TBC1D22A: variants seen among roughly 807,000 people sequenced by gnomAD.
The protein encoded by TBC1D22A is putative GTPase activator.
A neutral mutation model predicts 60.2 loss-of-function variants in TBC1D22A; 38 were observed. That is an observed-to-expected ratio of 0.63 (90% CI 0.49 to 0.83). TBC1D22A has a LOEUF of 0.83. TBC1D22A is among the 40% of genes least tolerant of loss of function. The pLI is 0.00. For synonymous variants in TBC1D22A, 302 were observed against 281.7 expected, an observed-to-expected ratio of 1.07 and a Z score of -0.72; for missense variants, 628 against 701.0, an observed-to-expected ratio of 0.90 and a Z score of 1.18.
At chr22:47,099,153 G>A (rs1195692107) in intron 11 of TBC1D22A, among the ~76,000 whole-genome samples, 2 of 152,222 alleles carry the variant, frequency 1.3e-5, no homozygotes, top group South Asian at 2.1e-4. Flanking sequence ...GCTGTGCTGG[G>A]TGTCACCGTG....
intron 3 of TBC1D22A, among the ~76,000 whole-genome samples, chr22:46,796,450 G>A (rs1420772643): frequency 6.6e-6 from 1 of 152,168 alleles, no homozygotes; most frequent in African/African-American, 2.4e-5. Flanking sequence ...TGCAGCGTTT[G>A]CTTCGGCTCC....
intron 11 of TBC1D22A, among the ~76,000 whole-genome samples, chr22:47,064,646 G>T (rs2063694933): frequency 6.6e-6 from 1 of 152,198 alleles, no homozygotes; most frequent in East Asian, 1.9e-4. Flanking sequence ...GCAGGGCTCT[G>T]TGGTGACTGT....
intron 8 of TBC1D22A, among the ~76,000 whole-genome samples, chr22:46,936,384 C>T (rs370671886): frequency 2.0e-5 from 3 of 152,202 alleles, no homozygotes; most frequent in South Asian, 2.1e-4. Context: ...CGTGGCTCCC[C>T]GCACAGCCTC....
chr22:46,844,589 A>G (rs1019958384), intron 4 of TBC1D22A, among the ~76,000 whole-genome samples: 2 of 152,304 alleles, frequency 1.3e-5, no homozygotes, highest in East Asian at 1.9e-4. Flanking sequence ...ATGGGTGGGT[A>G]GAGGAGCACA....
At chr22:46,773,275 C>T (rs2083566469) in intron 1 of TBC1D22A, among the ~76,000 whole-genome samples, 1 of 152,228 alleles carries the variant, frequency 6.6e-6, no homozygotes, top group Non-Finnish European at 1.5e-5. Flanking sequence ...TGTCACCGTG[C>T]TTGGCCCTGG....
intron 4 of TBC1D22A, among the ~76,000 whole-genome samples, chr22:46,801,420 A>G (rs1361387302): frequency 6.6e-6 from 1 of 152,274 alleles, no homozygotes; most frequent in African/African-American, 2.4e-5. Flanking sequence ...CATTCTGTCC[A>G]GCGGAGTGCT....
intron 8 of TBC1D22A, chr22:46,915,941 G>A: frequency 2.2e-6 from 1 of 444,894 alleles, no homozygotes. Context: ...CCCTCTCAGT[G>A]TTACGTTCTT....
intron 4 of TBC1D22A, among the ~76,000 whole-genome samples, chr22:46,828,448 TTGTC>T (rs1447624399): frequency 6.6e-6 from 1 of 152,258 alleles, no homozygotes; most frequent in South Asian, 2.1e-4. Context: ...TGTGAGATGT[TTGTC>T]TGTTGCATTT....
intron 5 of TBC1D22A, among the ~76,000 whole-genome samples, chr22:46,883,152 A>G (rs1051444228): frequency 6.6e-6 from 1 of 152,230 alleles, no homozygotes; most frequent in African/African-American, 2.4e-5. Context: ...GAACATTTGC[A>G]TTAGTGAGTC....
Position 46,793,857 on chromosome 22 carries a change from T to C in TBC1D22A, c.460+16T>C. 6.5e-7 allele frequency: 1 copy of C among 1,530,098 alleles called. No individual in the cohort carries two copies. The highest frequency in any genetic ancestry group is 2.4e-5 in the East Asian group (1 of 41,776). The allele number at this position is 1,530,098 out of a possible 1,614,324, so 94.8% of individuals were successfully genotyped here. On this transcript the variant is annotated intron_variant, in intron 3 of 12. Coordinates refer to ENST00000337137, the MANE Select transcript of TBC1D22A (RefSeq NM_014346.5). ...TGTCCTGCAGGTACGATGGGAGGAC[T>C]GAAGAGATGGTCTGGGTTTCTGGCC...
chr22:46,958,158 C>T (rs767056037), intron 8 of TBC1D22A, among the ~76,000 whole-genome samples: 3 of 152,082 alleles, frequency 2.0e-5, no homozygotes, highest in Non-Finnish European at 4.4e-5. Flanking sequence ...CAAGGATTGA[C>T]CGTTTCTTTT....
rs543861041 is a variant in TBC1D22A at position 47,071,806 on chromosome 22, A to G, written c.1329+34608A>G. Among the ~76,000 whole-genome samples, 14 of 152,312 alleles carry G rather than the reference A, an allele frequency of 9.2e-5. No homozygotes were observed. In the East Asian group the frequency reaches 1.7e-3, roughly 19 times the overall value. ...TTGAATTTCTGAGTCCTGAGAGTCA[A>G]TATGATGCAGACATCAATCTTGTTA... On this transcript the variant is annotated intron_variant, in intron 11 of 12. Transcript: ENST00000337137.
chr22:46,769,771 T>C (rs1321924268), intron 1 of TBC1D22A, among the ~76,000 whole-genome samples: 1 of 152,098 alleles, frequency 6.6e-6, no homozygotes, highest in Non-Finnish European at 1.5e-5. Flanking sequence ...ACTGTGACAC[T>C]GTTTGTCATC....
chr22:46,836,648 G>T (rs917481384), intron 4 of TBC1D22A, among the ~76,000 whole-genome samples: 2 of 152,030 alleles, frequency 1.3e-5, no homozygotes, highest in Non-Finnish European at 2.9e-5. Flanking sequence ...TACTTTAAGT[G>T]TAAATGGATT....
At chr22:47,132,995 A>G (rs1350466661) in intron 12 of TBC1D22A, among the ~76,000 whole-genome samples, 1 of 152,218 alleles carries the variant, frequency 6.6e-6, no homozygotes, top group African/African-American at 2.4e-5. Context: ...CAGAACAGCC[A>G]CCACCGTCTC....
At chr22:47,144,287 G>A (rs562791870) in intron 12 of TBC1D22A, among the ~76,000 whole-genome samples, 14 of 152,314 alleles carry the variant, frequency 9.2e-5, no homozygotes, top group Non-Finnish European at 1.3e-4. Context: ...GCAGCCGCCC[G>A]TTTCCCTTTC....
chr22:46,854,317 A>G (rs1701193346), intron 4 of TBC1D22A, among the ~76,000 whole-genome samples: 1 of 152,164 alleles, frequency 6.6e-6, no homozygotes, highest in African/African-American at 2.4e-5. Context: ...ACAAATTGTC[A>G]CGTGGAAACC....
intron 7 of TBC1D22A, among the ~76,000 whole-genome samples, chr22:46,903,596 T>C (rs2069169033): frequency 6.6e-6 from 1 of 152,164 alleles, no homozygotes; most frequent in African/African-American, 2.4e-5. Context: ...AATCGGGCCC[T>C]GTCCAGGGGC....
At chr22:46,923,034 A>T (rs2070845844) in intron 8 of TBC1D22A, among the ~76,000 whole-genome samples, 1 of 152,166 alleles carries the variant, frequency 6.6e-6, no homozygotes, top group Admixed American at 6.5e-5. Flanking sequence ...GCTTTTGTCC[A>T]TTCAGTGTGC....
Sources: allele counts gnomAD v4.1 joint callset (sites outside exome capture counted in the v4.1 genomes callset), GRCh38; gene constraint gnomAD v4.1.1; transcripts MANE v1.5; gene names NCBI Gene and HGNC (gene_info 2026-07-23, HGNC 2026-07-21).